The following IGF2BP3 variants were observed in gnomAD, a reference collection of about 807,000 sequenced individuals.
IGF2BP3 encodes the protein insulin-like growth factor 2 mRNA-binding protein 3.
Under a neutral mutation model 73.8 loss-of-function variants are expected in IGF2BP3, and 9 were observed. The observed-to-expected ratio is 0.12, with a 90% CI of 0.07 to 0.21. IGF2BP3 has a LOEUF of 0.21. Among genes scored for constraint, IGF2BP3 ranks in the 10% least tolerant of loss-of-function variants. The pLI is 1.00. For synonymous variants in IGF2BP3, 258 were observed against 256.7 expected, an observed-to-expected ratio of 1.01 and a Z score of -0.05; for missense variants, 542 against 714.0, an observed-to-expected ratio of 0.76 and a Z score of 2.75.
intron 10 of IGF2BP3, among the ~76,000 whole-genome samples, chr7:23,331,028 A>C (rs1027715510): frequency 1.3e-5 from 2 of 152,186 alleles, no homozygotes; most frequent in African/African-American, 4.8e-5. Flanking sequence ...CAAATGCCTG[A>C]CCTCAAGTGA....
chr7:23,462,286 T>C (rs1788466534), intron 2 of IGF2BP3, among the ~76,000 whole-genome samples: 1 of 151,972 alleles, frequency 6.6e-6, no homozygotes, highest in African/African-American at 2.4e-5. Context: ...CAACTAATAA[T>C]AATGCAATAA....
intron 2 of IGF2BP3, among the ~76,000 whole-genome samples, chr7:23,448,734 G>A (rs767549684): frequency 5.3e-5 from 8 of 152,020 alleles, no homozygotes; most frequent in Non-Finnish European, 1.2e-4. Context: ...GGGTTCAAAC[G>A]ATTCTCATGC....
chr7:23,337,029 G>C (rs544477114), intron 10 of IGF2BP3, among the ~76,000 whole-genome samples: 1 of 151,896 alleles, frequency 6.6e-6, no homozygotes, highest in East Asian at 1.9e-4. Flanking sequence ...AAAAACAATA[G>C]TTTATTTGTA....
rs550578791 is a variant in IGF2BP3, at chr7:23,463,857, T to C, written c.236+4625A>G. On this transcript the variant is annotated intron_variant, in intron 2 of 14. Coordinates refer to ENST00000258729, the MANE Select transcript of IGF2BP3 (RefSeq NM_006547.3). The stretch of plus-strand genomic sequence containing the variant: ...ATATGAAATTAGGAAAAAAAATCTT[T>C]TTAGCTACAACCACTTAGGCAATCC... Among the ~76,000 whole-genome samples, 4 of 152,336 alleles carry C rather than the reference T, an allele frequency of 2.6e-5. No homozygotes were observed. The South Asian group carries it at 8.3e-4, about 32-fold the overall frequency.
intron 3 of IGF2BP3, among the ~76,000 whole-genome samples, chr7:23,418,246 T>G (rs553905399): frequency 6.6e-6 from 1 of 152,338 alleles, no homozygotes; most frequent in South Asian, 2.1e-4. Flanking sequence ...CTTCAACTAC[T>G]GGTGTCTCAG....
intron 2 of IGF2BP3, among the ~76,000 whole-genome samples, chr7:23,422,020 C>T (rs1173140577): frequency 6.6e-6 from 1 of 152,036 alleles, no homozygotes; most frequent in African/African-American, 2.4e-5. Context: ...CTCAAGCAGT[C>T]CTTCTATCTT....
intron 11 of IGF2BP3, among the ~76,000 whole-genome samples, chr7:23,318,515 G>T (rs977295635): frequency 3.3e-5 from 5 of 152,034 alleles, no homozygotes; most frequent in African/African-American, 1.2e-4. Context: ...GTGAGCCACC[G>T]CACCTGGCCA....
At chr7:23,459,820 G>A (rs116460976) in intron 2 of IGF2BP3, among the ~76,000 whole-genome samples, 2,400 of 151,974 alleles carry the variant, frequency 0.016, 74 homozygotes, top group African/African-American at 0.055. Context: ...AACAAAGTGA[G>A]ATTCTGACTC....
chr7:23,392,569 C>G (rs148626424), intron 3 of IGF2BP3, among the ~76,000 whole-genome samples: 60 of 151,668 alleles, frequency 4.0e-4, no homozygotes, highest in Non-Finnish European at 7.8e-4. Flanking sequence ...TGATAGTTAA[C>G]TCTGAATGGT....
chr7:23,356,394 C>T (rs75189758), intron 5 of IGF2BP3, among the ~76,000 whole-genome samples: 1 of 135,926 alleles, frequency 7.4e-6, no homozygotes, highest in African/African-American at 2.7e-5. Context: ...CCTGCCTCTA[C>T]AAAAAAAAAA....
At chr7:23,365,940 C>T (rs540968745) in intron 3 of IGF2BP3, 2 of 152,242 alleles carry the variant, frequency 1.3e-5, no homozygotes, top group South Asian at 4.1e-4. Flanking sequence ...TTACCACTTT[C>T]AAAAATCTAT....
chr7:23,331,998 G>A (rs1784458081), intron 10 of IGF2BP3, among the ~76,000 whole-genome samples: 1 of 151,786 alleles, frequency 6.6e-6, no homozygotes, highest in Non-Finnish European at 1.5e-5. Flanking sequence ...GAGAGAGAGA[G>A]TAAGGGATGG....
chr7:23,427,877 G>A (rs369589477), intron 2 of IGF2BP3, among the ~76,000 whole-genome samples: 4 of 152,058 alleles, frequency 2.6e-5, no homozygotes, highest in South Asian at 2.1e-4. Flanking sequence ...CATGGTGGCC[G>A]GCATCTGTAA....
chr7:23,352,400 T>G (rs777998207), intron 5 of IGF2BP3, among the ~76,000 whole-genome samples: 10 of 150,862 alleles, frequency 6.6e-5, no homozygotes, highest in African/African-American at 2.4e-4. Context: ...GAGATTCTTG[T>G]GCCTCAGCCT....
intron 3 of IGF2BP3, among the ~76,000 whole-genome samples, chr7:23,387,655 A>G (rs1437570969): frequency 6.6e-6 from 1 of 152,190 alleles, no homozygotes; most frequent in East Asian, 1.9e-4. Context: ...TCTGATTTAA[A>G]TTATCTGATT....
chr7:23,323,535 C>T (rs1434982995), intron 10 of IGF2BP3, among the ~76,000 whole-genome samples: 6 of 147,192 alleles, frequency 4.1e-5, no homozygotes, highest in African/African-American at 7.9e-5. Context: ...AACAAGGATA[C>T]CCAGGAATTG....
chr7:23,444,168 A>C (rs1282757095), intron 2 of IGF2BP3, among the ~76,000 whole-genome samples: 1 of 152,184 alleles, frequency 6.6e-6, no homozygotes, highest in Non-Finnish European at 1.5e-5. Context: ...TTTTTGGTTA[A>C]ACATTGCACA....
At chr7:23,317,790 T>A in intron 11 of IGF2BP3, 77 bp from the exon 12 acceptor site, 2 of 1,144,536 alleles carry the variant, frequency 1.7e-6, no homozygotes, top group South Asian at 2.4e-5. Flanking sequence ...AGCCTAACAT[T>A]TGCATGTGAC....
At chr7:23,434,171 T>C (rs1787754547) in intron 2 of IGF2BP3, among the ~76,000 whole-genome samples, 1 of 152,102 alleles carries the variant, frequency 6.6e-6, no homozygotes, top group Non-Finnish European at 1.5e-5. Flanking sequence ...AAACTGTACC[T>C]GCAAGAAGAG....
Sources: allele counts gnomAD v4.1 joint callset (sites outside exome capture counted in the v4.1 genomes callset), GRCh38; gene constraint gnomAD v4.1.1; transcripts MANE v1.5; gene names NCBI Gene and HGNC (gene_info 2026-07-23, HGNC 2026-07-21).